Variants in COL14A1 observed in about 807,000 individuals in gnomAD.
COL14A1 encodes the protein collagen alpha-1(XIV) chain.
A neutral mutation model predicts 230.3 loss-of-function variants in COL14A1; 136 were observed. The observed-to-expected ratio is 0.59, with a 90% CI of 0.51 to 0.68. COL14A1 has a LOEUF of 0.68. COL14A1 is among the 30% of genes least tolerant of loss of function. The pLI is 0.00. For synonymous variants in COL14A1, 792 were observed against 784.1 expected, an observed-to-expected ratio of 1.01 and a Z score of -0.17; for missense variants, 1,976 against 2,215.8, an observed-to-expected ratio of 0.89 and a Z score of 2.17.
At chr8:120,200,715 T>TA (rs1817211385) in intron 8 of COL14A1, among the ~76,000 whole-genome samples, 12 of 85,746 alleles carry the variant, frequency 1.4e-4, no homozygotes, top group South Asian at 4.4e-4. Context: ...GTTTTCCTAT[T>TA]TATATATATA....
intron 36 of COL14A1, among the ~76,000 whole-genome samples, chr8:120,301,792 A>T (rs1393552867): frequency 1.3e-5 from 2 of 152,122 alleles, no homozygotes; most frequent in Non-Finnish European, 2.9e-5. Context: ...TGCTTTTCAC[A>T]ATGGTTGAAC....
intron 14 of COL14A1, among the ~76,000 whole-genome samples, chr8:120,224,230 T>C (rs1327434410): frequency 1.3e-5 from 2 of 151,970 alleles, no homozygotes; most frequent in Non-Finnish European, 2.9e-5. Flanking sequence ...TTTCACCATG[T>C]TGGCCAGGCT....
chr8:120,207,673 C>G (rs953640401), intron 10 of COL14A1, among the ~76,000 whole-genome samples: 3 of 152,180 alleles, frequency 2.0e-5, no homozygotes, highest in Admixed American at 1.3e-4. Flanking sequence ...TACCACAATT[C>G]ACAAGCAATA....
chr8:120,370,793 C>T, intron 47 of COL14A1: 1 of 1,375,846 alleles, frequency 7.3e-7, no homozygotes, highest in South Asian at 1.2e-5. Flanking sequence ...CCCTGATCAC[C>T]TCCCCTCCCT....
intron 18 of COL14A1, among the ~76,000 whole-genome samples, chr8:120,229,230 T>C (rs1818189558): frequency 6.6e-6 from 1 of 150,528 alleles, no homozygotes; most frequent in African/African-American, 2.4e-5. Flanking sequence ...CATCTAGCAT[T>C]AGGTATATCT....
At chr8:120,345,313 C>T (rs1563749515) in intron 44 of COL14A1, 62 bp from the exon 45 acceptor site, 2 of 1,456,650 alleles carry the variant, frequency 1.4e-6, no homozygotes, top group Non-Finnish European at 1.8e-6. Flanking sequence ...AATGACACCC[C>T]TGGTCCTCTC....
At chr8:120,253,556 T>C (rs1421446638) in intron 22 of COL14A1, among the ~76,000 whole-genome samples, 1 of 152,186 alleles carries the variant, frequency 6.6e-6, no homozygotes, top group African/African-American at 2.4e-5. Context: ...TCTCCCACAA[T>C]GGCAAATAAA....
At chr8:120,224,356 T>A (rs1818030101) in intron 14 of COL14A1, among the ~76,000 whole-genome samples, 1 of 152,148 alleles carries the variant, frequency 6.6e-6, no homozygotes, top group South Asian at 2.1e-4. Context: ...AACACAATGC[T>A]GGTTAAGCCA....
intron 42 of COL14A1, among the ~76,000 whole-genome samples, chr8:120,337,173 C>A (rs1475014640): frequency 6.6e-6 from 1 of 151,984 alleles, no homozygotes; most frequent in African/African-American, 2.4e-5. Context: ...GGTGAATCAC[C>A]TGAGGTCAGG....
intron 19 of COL14A1, among the ~76,000 whole-genome samples, chr8:120,242,890 T>A (rs1199079474): frequency 1.3e-5 from 2 of 152,210 alleles, no homozygotes; most frequent in Non-Finnish European, 2.9e-5. Context: ...ATAGGTTCCT[T>A]CCTTCATCCA....
chr8:120,261,924 C>T (rs1294352274), intron 23 of COL14A1, among the ~76,000 whole-genome samples: 3 of 152,090 alleles, frequency 2.0e-5, no homozygotes, highest in Non-Finnish European at 4.4e-5. Context: ...GAGGGAGATA[C>T]TGGGCAGGGT....
chr8:120,332,743 T>C lies in COL14A1; in HGVS notation c.4785+8T>C. The C allele has an allele frequency of 6.2e-7, 1 of 1,610,548 alleles. No individual in the cohort carries two copies. The highest frequency in any genetic ancestry group is 8.5e-7 in the Non-Finnish European group (1 of 1,177,530). On this transcript the variant is annotated splice_region_variant and intron_variant, in intron 42 of 47. Transcript: ENST00000297848. ...GGCGCCCTGGGACCACCTGTGAGTA[T>C]GCAGCGGTAGCTGCTCAGAATGTAG...
intron 1 of COL14A1, among the ~76,000 whole-genome samples, chr8:120,145,473 G>A (rs1231024816): frequency 6.6e-6 from 1 of 152,132 alleles, no homozygotes; most frequent in African/African-American, 2.4e-5. Context: ...ACAAAAATTA[G>A]CCGGGCGTAG....
intron 8 of COL14A1, among the ~76,000 whole-genome samples, chr8:120,199,800 A>G (rs545726358): frequency 1.3e-5 from 2 of 151,526 alleles, no homozygotes; most frequent in South Asian, 4.1e-4. Context: ...GAGGTGTCAT[A>G]TATAAAATGC....
chr8:120,277,872 C>A, intron 26 of COL14A1: 1 of 235,854 alleles, frequency 4.2e-6, no homozygotes, highest in Non-Finnish European at 8.2e-6. Flanking sequence ...GCCGTTTACC[C>A]ATGTAACAAA....
At chr8:120,316,237 G>A (rs1253958505) in intron 40 of COL14A1, among the ~76,000 whole-genome samples, 1 of 152,092 alleles carries the variant, frequency 6.6e-6, no homozygotes, top group Non-Finnish European at 1.5e-5. Context: ...ATCCCTTTCC[G>A]AGTGCTCCCA....
chr8:120,271,695 G>A (rs1563709086), intron 26 of COL14A1, among the ~76,000 whole-genome samples: 1 of 151,564 alleles, frequency 6.6e-6, no homozygotes, highest in East Asian at 1.9e-4. Flanking sequence ...ACCAAAACTT[G>A]TGGCTAGAAT....
At position 120,345,262 on chromosome 8, in the gene COL14A1, C is replaced by T. The variant is rs192769687; in HGVS notation, c.4889-113C>T. On this transcript the variant is annotated intron_variant, in intron 44 of 47. Coordinates refer to ENST00000297848, the MANE Select transcript of COL14A1 (RefSeq NM_021110.4). ...CATATTTCAAAGGGGTGTGATTTTT[C>T]CCTTGGTGGGTATCTAACAGAATTG... 7.4e-4 allele frequency: 693 copies of T among 933,900 alleles called. 2 individuals carry two copies. The African/African-American group carries it at 0.011, about 15-fold the overall frequency. 57.9% of individuals were successfully genotyped at this position (933,900 alleles called of 1,614,324 possible).
chr8:120,232,510 A>C (rs1162794414), intron 19 of COL14A1, among the ~76,000 whole-genome samples: 3 of 152,148 alleles, frequency 2.0e-5, no homozygotes, highest in Non-Finnish European at 2.9e-5. Flanking sequence ...GAGTGAGAAC[A>C]TGTAGTGTTT....
Sources: gnomAD v4.1 joint callset for allele counts (sites outside exome capture counted in the v4.1 genomes callset) on GRCh38, gnomAD v4.1.1 for gene constraint, MANE v1.5 for transcripts, NCBI Gene and HGNC (gene_info 2026-07-23, HGNC 2026-07-21) for gene names.